The following NFIB variants were observed in gnomAD, a reference collection of about 807,000 sequenced individuals.
NFIB encodes nuclear factor I B, also known as nuclear factor 1 B-type.
NFIB carries 11 observed loss-of-function variants against 61.5 expected under a neutral mutation model. The observed-to-expected ratio is 0.18, with a 90% CI of 0.11 to 0.30. The LOEUF (loss-of-function observed/expected upper bound fraction) is 0.30. NFIB is among the 10% of genes least tolerant of loss of function. NFIB has a pLI of 1.00. For synonymous variants in NFIB, 260 were observed against 216.5 expected, an observed-to-expected ratio of 1.20 and a Z score of -1.76; for missense variants, 471 against 608.9, an observed-to-expected ratio of 0.77 and a Z score of 2.38.
chr9:14,408,906 A>C, the NFIB span, among the ~76,000 whole-genome samples: 1 of 152,174 alleles, frequency 6.6e-6, no homozygotes, highest in Non-Finnish European at 1.5e-5. Flanking sequence ...GCAGGTGATA[A>C]AACTGAGGCA....
At chr9:14,384,607 A>T (rs1054972668) in intron 1 of NFIB, among the ~76,000 whole-genome samples, 1 of 152,220 alleles carries the variant, frequency 6.6e-6, no homozygotes, top group Non-Finnish European at 1.5e-5. Context: ...GACTACGTTG[A>T]AGGTTAATAT....
chr9:14,143,623 C>T (rs1449860518), intron 6 of NFIB, among the ~76,000 whole-genome samples: 1 of 151,904 alleles, frequency 6.6e-6, no homozygotes, highest in Non-Finnish European at 1.5e-5. Context: ...TTTAATTAAC[C>T]AATAAATAGT....
chr9:14,429,495 G>A, the NFIB span, among the ~76,000 whole-genome samples: 1 of 152,166 alleles, frequency 6.6e-6, no homozygotes. Context: ...CAGCTTTTAA[G>A]GGTGATGTTA....
At chr9:14,377,638 A>C (rs2061435264) in intron 1 of NFIB, among the ~76,000 whole-genome samples, 2 of 152,128 alleles carry the variant, frequency 1.3e-5, no homozygotes, top group Non-Finnish European at 2.9e-5. Context: ...ATTTTGTTTC[A>C]ATATTTTATT....
the NFIB span, among the ~76,000 whole-genome samples, chr9:14,436,158 G>C: frequency 1.3e-4 from 20 of 152,368 alleles, no homozygotes; most frequent in African/African-American, 4.1e-4. Context: ...GAGCTCTGCA[G>C]ATTCCTGAAC....
At chr9:14,327,753 A>G (rs75216443) in intron 1 of NFIB, among the ~76,000 whole-genome samples, 6,145 of 152,258 alleles carry the variant, frequency 0.04, 429 homozygotes, top group African/African-American at 0.14. Context: ...ATAGAAACCA[A>G]AGAAAAATGT....
At chr9:14,335,358 T>C (rs986825965) in intron 1 of NFIB, among the ~76,000 whole-genome samples, 1 of 152,228 alleles carries the variant, frequency 6.6e-6, no homozygotes, top group African/African-American at 2.4e-5. Context: ...CTTAGTATGA[T>C]CAAGCCCTTT....
upstream of NFIB, chr9:14,399,023 A>T (rs1203791790): frequency 4.5e-6 from 1 of 221,664 alleles, no homozygotes; most frequent in African/African-American, 2.2e-5. Flanking sequence ...AGTACTTGAA[A>T]TGTGGCTTGC....
At chr9:14,295,585 T>C (rs781609024) in intron 2 of NFIB, among the ~76,000 whole-genome samples, 4 of 152,170 alleles carry the variant, frequency 2.6e-5, no homozygotes, top group Middle Eastern at 3.4e-3. Flanking sequence ...GAGCCGAGAT[T>C]GCGCCACTGC....
At chr9:14,191,985 A>G (rs1052424612) in intron 2 of NFIB, among the ~76,000 whole-genome samples, 1 of 152,214 alleles carries the variant, frequency 6.6e-6, no homozygotes, top group South Asian at 2.1e-4. Flanking sequence ...TCCAAGTTCT[A>G]GATAGTGCTT....
the NFIB span, among the ~76,000 whole-genome samples, chr9:14,489,384 C>G: frequency 1.3e-5 from 2 of 152,180 alleles, no homozygotes; most frequent in African/African-American, 2.4e-5. Flanking sequence ...CTTTCCCTAT[C>G]ACGTACCATC....
intron 7 of NFIB, among the ~76,000 whole-genome samples, chr9:14,121,039 G>A (rs913798748): frequency 2.0e-5 from 3 of 152,166 alleles, no homozygotes; most frequent in African/African-American, 7.2e-5. Context: ...GGGGCAGGTG[G>A]ATCACCTGAG....
At chr9:14,421,094 A>AAAT in the NFIB span, among the ~76,000 whole-genome samples, 3 of 151,960 alleles carry the variant, frequency 2.0e-5, no homozygotes, top group South Asian at 2.1e-4. Context: ...CAAAAAAAAA[A>AAAT]AAAATAAGGC....
chr9:14,467,415 C>G, the NFIB span, among the ~76,000 whole-genome samples: 9 of 151,938 alleles, frequency 5.9e-5, no homozygotes, highest in South Asian at 1.9e-3. Flanking sequence ...GTGGGTGAGA[C>G]AGTGATTAGA....
chr9:14,492,931 C>G, the NFIB span, among the ~76,000 whole-genome samples: 1 of 152,190 alleles, frequency 6.6e-6, no homozygotes, highest in Non-Finnish European at 1.5e-5. Context: ...GTAAACTAAC[C>G]TCTCTGAGCT....
chr9:14,190,048 A>T (rs957485198), intron 2 of NFIB, among the ~76,000 whole-genome samples: 1 of 152,072 alleles, frequency 6.6e-6, no homozygotes, highest in African/African-American at 2.4e-5. Flanking sequence ...ATATGTTCCT[A>T]AAAAATTTTT....
intron 2 of NFIB, among the ~76,000 whole-genome samples, chr9:14,211,849 G>T (rs1449475290): frequency 6.6e-6 from 1 of 152,232 alleles, no homozygotes; most frequent in Admixed American, 6.5e-5. Context: ...TTTCAATAAA[G>T]GAGGTATACA....
At chr9:14,286,167 T>C (rs2058697313) in intron 2 of NFIB, among the ~76,000 whole-genome samples, 2 of 152,154 alleles carry the variant, frequency 1.3e-5, no homozygotes, top group Admixed American at 1.3e-4. Flanking sequence ...CCACATTCTA[T>C]TATTCTTTAA....
chr9:14,174,444 A>G (rs1278337841), intron 3 of NFIB, among the ~76,000 whole-genome samples: 1 of 152,180 alleles, frequency 6.6e-6, no homozygotes, highest in Non-Finnish European at 1.5e-5. Flanking sequence ...ATAAATGAGG[A>G]CATGAGAAGG....
Sources: gnomAD v4.1 joint callset for allele counts (sites outside exome capture counted in the v4.1 genomes callset) on GRCh38, gnomAD v4.1.1 for gene constraint, MANE v1.5 for transcripts, NCBI Gene and HGNC (gene_info 2026-07-23, HGNC 2026-07-21) for gene names.